Variants in CRIP2 observed in about 807,000 individuals in gnomAD.
CRIP2 encodes cysteine-rich protein 2.
In CRIP2, 31 loss-of-function variants were observed where a neutral mutation model predicts 31.3. The ratio of observed to expected loss-of-function variants is 0.99; its 90% CI spans 0.74 to 1.34. The LOEUF (loss-of-function observed/expected upper bound fraction) is 1.34. CRIP2 is among the 40% of genes most tolerant of loss of function. The pLI, the probability that CRIP2 is intolerant of heterozygous loss-of-function variation, is 0.00. For missense variants in CRIP2, 389 were observed against 301.6 expected (o/e 1.29, Z -2.15); for synonymous variants, 177 against 127.2 (o/e 1.39, Z -2.63).
upstream of CRIP2, chr14:105,473,030 GAGCAAGCCCCACAGGT>G (rs66600265): frequency 0.95 from 583,849 of 613,126 alleles, 283,573 homozygotes; most frequent in Non-Finnish European, 1. Flanking sequence ...CTGTCCTCCA[GAGCAAGCCCCACAGGT>G]AGCAAGCCCC....
rs200032706 is a variant in CRIP2 at position 105,479,157 on chromosome 14, C to T, written c.439C>T (p.His147Tyr). The T allele has an allele frequency of 8.1e-6, 13 of 1,611,840 alleles. No individual in the cohort carries two copies. The highest frequency in any genetic ancestry group is 2.2e-5 in the East Asian group (1 of 44,848). Residue 147 changes from histidine (H) to tyrosine (Y), a missense_variant, in exon 6 of 8, where the codon CAC (histidine) becomes TAC (tyrosine). Coordinates refer to ENST00000329146, the MANE Select transcript of CRIP2 (RefSeq NM_001312.4). The stretch of plus-strand genomic sequence containing the variant: ...GGTGACGTCTCTGGGCAAGGATTGG[C>T]ACCGGCCCTGCCTGCGCTGCGAGCG... Reference protein sequence around the residue: ...EKVTSLGKDWHRPCLRCERCG... With the variant: ...EKVTSLGKDWYRPCLRCERCG...
rs782000738 is a variant in CRIP2, at chr14:105,478,918, C to T, written c.337+47C>T. 2.0e-6 allele frequency: 3 copies of T among 1,510,804 alleles called. No individual in the cohort carries two copies. Among genetic ancestry groups the T allele is most frequent in the East Asian group, 2.5e-5 (1 of 39,930 alleles). 93.6% of individuals were successfully genotyped at this position (1,510,804 alleles called of 1,614,324 possible). Reference sequence around the variant, plus strand: ...GCTGGGGGTTGTGGGCACGCGCGGGCTGGGGCTGGGGGTTGTGGGCACCCC... The same window carrying T: ...GCTGGGGGTTGTGGGCACGCGCGGGTTGGGGCTGGGGGTTGTGGGCACCCC... On this transcript the variant is annotated intron_variant, in intron 4 of 7. Transcript: ENST00000329146. This position sits in a 1 kb window ranked among gnomAD's most constrained non-coding sequence, Gnocchi z 4.9.
rs1256995341 is a variant in CRIP2, at chr14:105,479,903, C to A, written c.*250C>A. The A allele has an allele frequency of 1.8e-6, 1 of 562,702 alleles. No homozygotes were observed. The allele number at this position is 562,702 out of a possible 1,614,324, so 34.9% of individuals were successfully genotyped here. ...TCTGCGTGTCCGAATCCCCGTGTGA[C>A]CCTGTCCCAGCATTTTCCCGCCGAC... On this transcript the variant is annotated 3_prime_UTR_variant, in exon 8 of 8. Coordinates refer to ENST00000329146, the MANE Select transcript of CRIP2 (RefSeq NM_001312.4).
Position 105,478,170 on chromosome 14 carries a change from C to A in CRIP2, c.44-96C>A. ...CTGGGAGACCTCCTGAAAGTGGGGA[C>A]CCCCGGAGCGCGTGGGGGTGGTGGC... is the stretch of plus-strand genomic sequence containing the variant. On this transcript the variant is annotated intron_variant, in intron 1 of 7. Coordinates refer to ENST00000329146, the MANE Select transcript of CRIP2 (RefSeq NM_001312.4). This position sits in a 1 kb window ranked among gnomAD's most constrained non-coding sequence, Gnocchi z 4.9. The A allele has an allele frequency of 1.0e-6, 1 of 993,790 alleles. No homozygotes were observed. Among genetic ancestry groups the A allele is most frequent in the Non-Finnish European group, 1.4e-6 (1 of 709,454 alleles). The allele number at this position is 993,790 out of a possible 1,614,324, so 61.6% of individuals were successfully genotyped here.
At chr14:105,475,995 G>T in intron 1 of CRIP2, 1 of 985,548 alleles carries the variant, frequency 1.0e-6, no homozygotes, top group Non-Finnish European at 1.2e-6. Flanking sequence ...AGGGGAGGTT[G>T]TATTTTGCCC....
chr14:105,476,637 T>G (rs1168182653), intron 1 of CRIP2: 3 of 985,336 alleles, frequency 3.0e-6, no homozygotes, highest in Non-Finnish European at 3.6e-6. Flanking sequence ...CAGAGCACAG[T>G]GCTGGCAGCC....
rs1274073434 is a variant in CRIP2 at position 105,474,916 on chromosome 14, G to A, written c.43+11G>A. The A allele has an allele frequency of 2.6e-6, 4 of 1,512,214 alleles. No homozygotes were observed. The African/African-American group carries it at 5.8e-5, about 22-fold the overall frequency. The allele number at this position is 1,512,214 out of a possible 1,614,324, so 93.7% of individuals were successfully genotyped here. ...AGACCGTGTACTTCGGTGAGTGCGTGCCCGCTCCCGGCCCGCTCGGTGCAT... is the reference window on the plus strand; with the variant it reads ...AGACCGTGTACTTCGGTGAGTGCGTACCCGCTCCCGGCCCGCTCGGTGCAT... On this transcript the variant is annotated intron_variant, in intron 1 of 7. Coordinates refer to ENST00000329146, the MANE Select transcript of CRIP2 (RefSeq NM_001312.4). This position sits in a 1 kb window ranked among gnomAD's most constrained non-coding sequence, Gnocchi z 5.1.
At chr14:105,475,954 GCTTCC>G in intron 1 of CRIP2, 15 of 985,584 alleles carry the variant, frequency 1.5e-5, no homozygotes, top group Non-Finnish European at 1.8e-5. Context: ...CCGCCACTGG[GCTTCC>G]CCGGCTCACA....
Position 105,478,821 on chromosome 14 carries a change from C to G in CRIP2, c.287C>G (p.Ala96Gly), listed in dbSNP as rs904360907. 72 of 1,430,982 alleles carry G rather than the reference C, an allele frequency of 5.0e-5. No individual in the cohort carries two copies. The highest frequency in any genetic ancestry group is 4.3e-5 in the Non-Finnish European group (47 of 1,101,710). 88.6% of individuals were successfully genotyped at this position (1,430,982 alleles called of 1,614,324 possible). A position where few individuals can be genotyped will look rare whatever the true frequency, so the allele number is the denominator to read the frequency against. ...ACCGGCCCCATCGAGGTCCCCGCGG[C>G]CCGAGCAGAGGAGCGGAAGGCGAGC... ...QVTGPIEVPA[A>G]RAEERKASGP... The change falls in exon 4 of 8, where the codon GCC (alanine) becomes GGC (glycine). Residue 96 changes from alanine to glycine, a missense_variant. By Grantham distance (60) the Ala-to-Gly change is moderately conservative. Transcript: ENST00000329146. This position sits in a 1 kb window ranked among gnomAD's most constrained non-coding sequence, Gnocchi z 4.9.
At chr14:105,473,654 C>G, upstream of CRIP2, 1 of 1,125,314 alleles carries the variant, frequency 8.9e-7, no homozygotes, top group Middle Eastern at 2.2e-4. Flanking sequence ...CCAGAAGGCT[C>G]AGAGAAGGGC....
At position 105,479,177 on chromosome 14, in the gene CRIP2, C is replaced by G. The variant is rs782485931; in HGVS notation, c.459C>G (p.Cys153Trp). The G allele has an allele frequency of 1.2e-6, 2 of 1,611,592 alleles. No homozygotes were observed. The highest frequency in any genetic ancestry group is 1.1e-5 in the South Asian group (1 of 91,042). ...GKDWHRPCLR[C>W]ERCGKTLTPG... ...ATTGGCACCGGCCCTGCCTGCGCTG[C>G]GAGCGCTGCGGGAAGACACTGACCC... is the stretch of plus-strand genomic sequence containing the variant. The change falls in exon 6 of 8, where the codon TGC (cysteine) becomes TGG (tryptophan). Residue 153 changes from cysteine to tryptophan, a missense_variant. By Grantham distance (215) the Cys-to-Trp change is radical. Transcript: ENST00000329146.
intron 1 of CRIP2, chr14:105,476,329 G>C (rs1197238931): frequency 4.1e-6 from 4 of 985,404 alleles, no homozygotes; most frequent in African/African-American, 1.7e-5. Flanking sequence ...GACCCGGCTG[G>C]CTTCTGTCCT....
intron 7 of CRIP2, 21 bp from the exon 8 acceptor site, chr14:105,479,565 C>T: frequency 1.9e-6 from 3 of 1,612,822 alleles, no homozygotes; most frequent in African/African-American, 1.3e-5. Context: ...CCCGACCCAC[C>T]CCAGCGGCCT....
intron 1 of CRIP2, chr14:105,476,973 G>A (rs1555435916): frequency 5.2e-6 from 1 of 190,946 alleles, no homozygotes; most frequent in East Asian, 1.9e-4. Context: ...CTTCGCCCTA[G>A]CCAGATGCCC....
In CRIP2 at chr14:105,478,431, C is replaced by G. The variant is rs201459590; in HGVS notation, c.139-19C>G. 4 of 1,599,018 alleles carry G rather than the reference C, an allele frequency of 2.5e-6. No individual in the cohort carries two copies. The highest frequency in any genetic ancestry group is 3.4e-6 in the Non-Finnish European group (4 of 1,176,544). On this transcript the variant is annotated intron_variant, in intron 2 of 7. Transcript: ENST00000329146. The surrounding 1 kb of genome is among the most constrained non-coding windows in gnomAD (Gnocchi z 4.9). ...CCGCCACCCTCAGGCAGGGTCCTGACCCGCGCCCCTCTGCGCAGCATGACG... is the reference window on the plus strand; with the variant it reads ...CCGCCACCCTCAGGCAGGGTCCTGAGCCGCGCCCCTCTGCGCAGCATGACG...
chr14:105,473,341 G>T, upstream of CRIP2: 2 of 1,167,836 alleles, frequency 1.7e-6, no homozygotes, highest in Non-Finnish European at 2.4e-6. Context: ...GGGGCGGGGG[G>T]CATGTTTCTG....
chr14:105,476,666 G>T, intron 1 of CRIP2: 1 of 985,000 alleles, frequency 1.0e-6, no homozygotes, highest in South Asian at 4.7e-5. Context: ...CAGCTGCCAC[G>T]GCCGATAGCC....
rs782588488 is a variant in CRIP2, at chr14:105,474,831, C to A, written c.-32C>A. On this transcript the variant is annotated 5_prime_UTR_variant, in exon 1 of 8. Coordinates refer to ENST00000329146, the MANE Select transcript of CRIP2 (RefSeq NM_001312.4). The surrounding 1 kb of genome is among the most constrained non-coding windows in gnomAD (Gnocchi z 5.1). ...CGGCGGCGGCCCGGAGGAGAACGGG[C>A]GGAGGGCGCGGGCCGACCGGGCGCA... The A allele has an allele frequency of 2.8e-6, 4 of 1,434,252 alleles. No individual in the cohort carries two copies. The highest frequency in any genetic ancestry group is 2.8e-5 in the South Asian group (2 of 72,670). The allele number at this position is 1,434,252 out of a possible 1,614,324, so 88.8% of individuals were successfully genotyped here.
chr14:105,479,514 C>G, intron 7 of CRIP2, 21 bp downstream of exon 7: 1 of 1,612,854 alleles, frequency 6.2e-7, no homozygotes, highest in Non-Finnish European at 8.5e-7. Flanking sequence ...CCAGGGTGGT[C>G]CACGATGTCT....
Sources: allele counts gnomAD v4.1 joint callset, GRCh38; gene constraint gnomAD v4.1.1; non-coding constraint Gnocchi (gnomAD v3.1); transcripts MANE v1.5; gene names NCBI Gene and HGNC (gene_info 2026-07-23, HGNC 2026-07-21).